XYLB: variants seen among roughly 807,000 people sequenced by gnomAD.
XYLB encodes xylulose kinase.
In XYLB, 62 loss-of-function variants were observed where a neutral mutation model predicts 78.7. The observed-to-expected ratio is 0.79, with a 90% CI of 0.64 to 0.97. XYLB has a LOEUF of 0.97. XYLB is among the 50% of genes least tolerant of loss of function. The pLI, the probability that XYLB is intolerant of heterozygous loss-of-function variation, is 0.00. For missense variants in XYLB, 687 were observed against 676.8 expected, an observed-to-expected ratio of 1.02 and a Z score of -0.17; for synonymous variants, 245 against 247.4, an observed-to-expected ratio of 0.99 and a Z score of 0.09.
the XYLB span, among the ~76,000 whole-genome samples, chr3:38,440,722 C>T: frequency 7.2e-5 from 11 of 152,198 alleles, no homozygotes; most frequent in Non-Finnish European, 1.0e-4. Flanking sequence ...CAGAGAAGAC[C>T]TTCAATTATC....
chr3:38,423,263 G>A (rs1212217384), downstream of XYLB, among the ~76,000 whole-genome samples: 3 of 152,078 alleles, frequency 2.0e-5, no homozygotes, highest in African/African-American at 4.8e-5. Flanking sequence ...TAGTGGAGAC[G>A]GGGTTTCACT....
intron 18 of XYLB, among the ~76,000 whole-genome samples, chr3:38,405,689 C>T (rs62239902): frequency 1.1e-3 from 162 of 152,364 alleles, no homozygotes; most frequent in Non-Finnish European, 1.9e-3. Flanking sequence ...CCTAATACTG[C>T]GCTTTTCCGA....
chr3:38,358,110 C>T (rs1019088879), intron 2 of XYLB, among the ~76,000 whole-genome samples: 1 of 148,524 alleles, frequency 6.7e-6, no homozygotes, highest in Non-Finnish European at 1.5e-5. Flanking sequence ...GTTTTGGTAT[C>T]AATTTTATAT....
chr3:38,394,758 C>T (rs542122944), intron 15 of XYLB, among the ~76,000 whole-genome samples: 12 of 152,302 alleles, frequency 7.9e-5, no homozygotes, highest in Non-Finnish European at 1.3e-4. Flanking sequence ...CCTGAGGTTG[C>T]AGTCACAATG....
At position 38,365,751 on chromosome 3, in the gene XYLB, C is replaced by CG. The variant is rs753171700; in HGVS notation, c.507+21dup. On this transcript the variant is annotated intron_variant, in intron 6 of 18. Coordinates refer to ENST00000207870, the MANE Select transcript of XYLB (RefSeq NM_005108.4). ...GTGCCTATGAGGTAGGCTGAGGATG[C>CG]GGGGGGTGCAGGGGGTGGTCTGGTT... is the stretch of plus-strand genomic sequence containing the variant. 6.0e-5 allele frequency: 97 copies of CG among 1,605,634 alleles called. No individual in the cohort carries two copies. Among genetic ancestry groups the CG allele is most frequent in the Middle Eastern group, 1.7e-4 (1 of 5,994 alleles).
chr3:38,356,775 G>A (rs1182578197), intron 2 of XYLB: 1 of 152,122 alleles, frequency 6.6e-6, no homozygotes. Flanking sequence ...GAGTTGTTCT[G>A]CTTTTTTGCT....
rs555581047 is a variant in XYLB, at chr3:38,403,711, G to A, written c.1533+2726G>A. On this transcript the variant is annotated intron_variant, in intron 18 of 18. Coordinates refer to ENST00000207870, the MANE Select transcript of XYLB (RefSeq NM_005108.4). ...TCTGGCTCTTTCATTCTATCTAGAA[G>A]GAGGCCAGCAAGGAGGAAGATAACT... Among the ~76,000 whole-genome samples the A allele has an allele frequency of 3.3e-5, 5 of 152,244 alleles. No homozygotes were observed. In the South Asian group the frequency reaches 1.0e-3, roughly 32 times the overall value.
chr3:38,392,485 TGG>T (rs1210519109), intron 15 of XYLB, among the ~76,000 whole-genome samples: 2 of 152,012 alleles, frequency 1.3e-5, no homozygotes, highest in South Asian at 2.1e-4. Flanking sequence ...TTAGTAGAGA[TGG>T]GATTTCACCA....
chr3:38,405,005 G>C (rs2125664296), intron 18 of XYLB, among the ~76,000 whole-genome samples: 1 of 152,254 alleles, frequency 6.6e-6, no homozygotes, highest in Non-Finnish European at 1.5e-5. Context: ...GCATTTCTCA[G>C]GTAAGATGGA....
intron 4 of XYLB, 55 bp from the exon 5 acceptor site, chr3:38,365,144 G>A (rs1002737824): frequency 6.4e-7 from 1 of 1,550,692 alleles, no homozygotes; most frequent in African/African-American, 1.4e-5. Flanking sequence ...GTGTCTTCAG[G>A]AGGCTGTGAC....
At chr3:38,368,973 G>A (rs1364978149) in intron 8 of XYLB, among the ~76,000 whole-genome samples, 1 of 152,146 alleles carries the variant, frequency 6.6e-6, no homozygotes, top group African/African-American at 2.4e-5. Context: ...AATTGCAGTT[G>A]ATGCCAGTGA....
chr3:38,383,337 A>G (rs981813343), intron 15 of XYLB, among the ~76,000 whole-genome samples: 8 of 152,180 alleles, frequency 5.3e-5, no homozygotes, highest in African/African-American at 9.7e-5. Context: ...TTAAGGAACA[A>G]TCGCCCTCTT....
rs567132566 is a variant in XYLB at position 38,399,185 on chromosome 3, G to A, written c.1439-1706G>A. Among the ~76,000 whole-genome samples the A allele has an allele frequency of 4.6e-5, 7 of 152,012 alleles. No individual in the cohort carries two copies. In the East Asian group the frequency reaches 1.2e-3, roughly 25 times the overall value. The stretch of plus-strand genomic sequence containing the variant: ...CGTAGTCATGGCTCACTGCAGCCTC[G>A]ACCTCCTAGACTCAGGTGATCTTCC... On this transcript the variant is annotated intron_variant, in intron 17 of 18. Coordinates refer to ENST00000207870, the MANE Select transcript of XYLB (RefSeq NM_005108.4).
chr3:38,412,996 C>G lies in XYLB; in HGVS notation c.1594C>G (p.Arg532Gly), dbSNP rs752166469. The G allele has an allele frequency of 1.9e-6, 3 of 1,601,572 alleles. No individual in the cohort carries two copies. The highest frequency in any genetic ancestry group is 2.6e-6 in the Non-Finnish European group (3 of 1,175,854). ...CGAGCAGAGAATCTTGTCTCAGACC[C>G]GGGGGCCTCCGGAGTGAACAGGCAT... ...KLEQRILSQT[R>G]GPPE is the part of the protein sequence containing the mutation. The change falls in exon 19 of 19, where the codon CGG becomes GGG. Residue 532 changes from arginine to glycine, a missense_variant. Transcript: ENST00000207870.
intron 16 of XYLB, among the ~76,000 whole-genome samples, chr3:38,396,337 C>T (rs1406160741): frequency 1.3e-5 from 2 of 152,178 alleles, no homozygotes; most frequent in African/African-American, 4.8e-5. Flanking sequence ...AGGTGGGGCT[C>T]TGGAACATGA....
chr3:38,374,385 G>A, intron 10 of XYLB, 77 bp from the exon 11 acceptor site: 1 of 1,605,462 alleles, frequency 6.2e-7, no homozygotes, highest in Non-Finnish European at 8.5e-7. Context: ...CTCTGCGCCT[G>A]CCTGGAGAGC....
chr3:38,441,440 A>T, the XYLB span, among the ~76,000 whole-genome samples: 2 of 152,220 alleles, frequency 1.3e-5, 1 homozygote, highest in Middle Eastern at 6.3e-3. Flanking sequence ...TATGTAAGTT[A>T]AGGTCAGGAT....
downstream of XYLB, chr3:38,415,009 A>G (rs1708740063): frequency 6.6e-6 from 1 of 152,232 alleles, no homozygotes; most frequent in Admixed American, 6.5e-5. Context: ...TTTATCTTGA[A>G]AGGGTCTATC....
chr3:38,384,017 G>T, intron 15 of XYLB, among the ~76,000 whole-genome samples: 1 of 152,042 alleles, frequency 6.6e-6, no homozygotes, highest in East Asian at 1.9e-4. Flanking sequence ...CTGCATTTGG[G>T]CACTGAGGGT....
Sources: allele counts gnomAD v4.1 joint callset (sites outside exome capture counted in the v4.1 genomes callset), GRCh38; gene constraint gnomAD v4.1.1; transcripts MANE v1.5; gene names NCBI Gene and HGNC (gene_info 2026-07-23, HGNC 2026-07-21).